Variants in CCDC85A observed in about 807,000 individuals in gnomAD.
The protein encoded by CCDC85A is coiled-coil domain containing 85A, also known as coiled-coil domain-containing protein 85A.
Under a neutral mutation model 50.2 loss-of-function variants are expected in CCDC85A, and 38 were observed. The observed-to-expected ratio is 0.76, with a 90% CI of 0.58 to 0.99. The LOEUF (loss-of-function observed/expected upper bound fraction) is 0.99. Among genes scored for constraint, CCDC85A ranks in the 50% least tolerant of loss-of-function variants. The probability of loss-of-function intolerance (pLI) is 0.00; values close to 1 mark genes in which losing one functional copy is unlikely to be tolerated. For missense variants in CCDC85A, 820 were observed against 742.0 expected, an observed-to-expected ratio of 1.11 and a Z score of -1.22; for synonymous variants, 366 against 301.4, an observed-to-expected ratio of 1.21 and a Z score of -2.22.
chr2:56,332,140 G>T (rs1673835976), intron 2 of CCDC85A, among the ~76,000 whole-genome samples: 1 of 152,186 alleles, frequency 6.6e-6, no homozygotes, highest in African/African-American at 2.4e-5. Context: ...GTAACCAAAA[G>T]AGAACCTTAT....
chr2:56,335,683 C>A (rs1674037330), intron 2 of CCDC85A, among the ~76,000 whole-genome samples: 1 of 151,524 alleles, frequency 6.6e-6, no homozygotes, highest in Non-Finnish European at 1.5e-5. Context: ...CCCACTGCAA[C>A]CACTGCCTCC....
intron 2 of CCDC85A, among the ~76,000 whole-genome samples, chr2:56,301,764 C>T (rs1672215256): frequency 6.6e-6 from 1 of 152,016 alleles, no homozygotes; most frequent in Admixed American, 6.6e-5. Flanking sequence ...ACAATGAGAA[C>T]ACATGGACAC....
At position 56,282,587 on chromosome 2, in the gene CCDC85A, G is replaced by A. The variant is rs183675982; in HGVS notation, c.1241-60292G>A. Among the ~76,000 whole-genome samples the A allele has an allele frequency of 1.5e-4, 23 of 152,284 alleles. No homozygotes were observed. The East Asian group carries it at 2.9e-3, about 19-fold the overall frequency. On this transcript the variant is annotated intron_variant, in intron 2 of 5. Transcript: ENST00000407595. The stretch of plus-strand genomic sequence containing the variant: ...TGCAATGGCGCGATCTCGGCTCACC[G>A]CAACCTCCGCCTCCCAGGCTCAAGC...
intron 2 of CCDC85A, among the ~76,000 whole-genome samples, chr2:56,236,160 C>A (rs993139427): frequency 6.6e-6 from 1 of 152,076 alleles, no homozygotes; most frequent in African/African-American, 2.4e-5. Context: ...AGCTTACTTC[C>A]AGTGTCATTG....
chr2:56,195,486 G>C (rs939550375), intron 2 of CCDC85A, among the ~76,000 whole-genome samples: 2 of 152,204 alleles, frequency 1.3e-5, no homozygotes, highest in Non-Finnish European at 2.9e-5. Context: ...TATCCTCAGA[G>C]TATATTTGCA....
Position 56,193,383 on chromosome 2 carries a change from C to A in CCDC85A, c.1183C>A (p.Arg395=). Residue 395 remains arginine (R), a synonymous_variant, in exon 2 of 6, where the codon CGG becomes AGG. Transcript: ENST00000407595. ...GGGSREGTLR[R]QAQEDGSPHH... The stretch of plus-strand genomic sequence containing the variant: ...AGGCAGCAGGGAGGGCACCCTCAGA[C>A]GGCAGGCACAGGAGGACGGGTCACC... The A allele has an allele frequency of 6.2e-7, 1 of 1,611,310 alleles. No individual in the cohort carries two copies. Among genetic ancestry groups the A allele is most frequent in the African/African-American group, 1.3e-5 (1 of 74,988 alleles).
chr2:56,258,529 G>C (rs1404937771), intron 2 of CCDC85A, among the ~76,000 whole-genome samples: 1 of 152,194 alleles, frequency 6.6e-6, no homozygotes, highest in Non-Finnish European at 1.5e-5. Context: ...GAGTCTACCA[G>C]ACTTGGCCTG....
At chr2:56,329,344 C>G (rs531993745) in intron 2 of CCDC85A, among the ~76,000 whole-genome samples, 1 of 152,086 alleles carries the variant, frequency 6.6e-6, no homozygotes, top group East Asian at 1.9e-4. Context: ...ATTTATGTAC[C>G]TGTTTTCCCT....
intron 2 of CCDC85A, among the ~76,000 whole-genome samples, chr2:56,250,252 G>A (rs762131870): frequency 6.6e-6 from 1 of 152,172 alleles, no homozygotes; most frequent in Non-Finnish European, 1.5e-5. Context: ...TTAAGTTGGA[G>A]TGCTTTTCCA....
chr2:56,258,957 G>A (rs896261284), intron 2 of CCDC85A, among the ~76,000 whole-genome samples: 1 of 152,170 alleles, frequency 6.6e-6, no homozygotes, highest in Non-Finnish European at 1.5e-5. Flanking sequence ...AGAAAGTTTA[G>A]GATAATTGCT....
At chr2:56,194,324 A>G (rs1366055268) in intron 2 of CCDC85A, among the ~76,000 whole-genome samples, 1 of 152,230 alleles carries the variant, frequency 6.6e-6, no homozygotes, top group Non-Finnish European at 1.5e-5. Flanking sequence ...ATCTGAAACC[A>G]CTTTGCACTT....
chr2:56,357,578 AGT>A (rs1675296530), intron 3 of CCDC85A, among the ~76,000 whole-genome samples: 1 of 149,734 alleles, frequency 6.7e-6, no homozygotes, highest in Admixed American at 6.7e-5. Context: ...CTGGGTTTTC[AGT>A]GTGTGTTCAG....
At position 56,372,342 on chromosome 2, in the gene CCDC85A, A is replaced by C; in HGVS notation, c.1318-2A>C. 1 of 1,568,456 alleles carries C rather than the reference A, an allele frequency of 6.4e-7. No individual in the cohort carries two copies. Among genetic ancestry groups the C allele is most frequent in the Non-Finnish European group, 8.6e-7 (1 of 1,156,364 alleles). On this transcript the variant is annotated splice_acceptor_variant, in intron 3 of 5. Transcript: ENST00000407595. LOFTEE classifies it high-confidence loss of function. The stretch of plus-strand genomic sequence containing the variant: ...ATTGTACCATATTGTTCCAAATATA[A>C]GGCCAGCCAGAATAGAAGGCAACCT...
intron 2 of CCDC85A, among the ~76,000 whole-genome samples, chr2:56,302,880 C>T (rs1672271846): frequency 6.6e-6 from 1 of 152,110 alleles, no homozygotes; most frequent in South Asian, 2.1e-4. Flanking sequence ...TTTTTCATCT[C>T]ATTTGATGTA....
intron 2 of CCDC85A, among the ~76,000 whole-genome samples, chr2:56,268,941 G>T (rs941232494): frequency 6.6e-6 from 1 of 152,074 alleles, no homozygotes. Context: ...TACATTTTTA[G>T]GATTGCTGTC....
chr2:56,198,102 T>C (rs1024358853), intron 2 of CCDC85A, among the ~76,000 whole-genome samples: 2 of 152,208 alleles, frequency 1.3e-5, no homozygotes, highest in African/African-American at 4.8e-5. Context: ...AAACGAAAAA[T>C]GTTGATAACA....
intron 2 of CCDC85A, among the ~76,000 whole-genome samples, chr2:56,273,780 G>A (rs534805574): frequency 6.6e-6 from 1 of 151,912 alleles, no homozygotes; most frequent in South Asian, 2.1e-4. Context: ...GGAAGTAGGA[G>A]GACATGGGGT....
chr2:56,372,568 A>G, intron 4 of CCDC85A, 90 bp downstream of exon 4: 1 of 1,332,796 alleles, frequency 7.5e-7, no homozygotes, highest in South Asian at 2.0e-5. Flanking sequence ...GGGGGGTAGA[A>G]AACAAGTTCA....
At chr2:56,321,800 T>A (rs1309643006) in intron 2 of CCDC85A, among the ~76,000 whole-genome samples, 1 of 152,038 alleles carries the variant, frequency 6.6e-6, no homozygotes, top group Non-Finnish European at 1.5e-5. Flanking sequence ...TACTTTAAAG[T>A]TCATATGGAA....
Sources: allele counts gnomAD v4.1 joint callset (sites outside exome capture counted in the v4.1 genomes callset), GRCh38; gene constraint gnomAD v4.1.1; transcripts MANE v1.5; gene names NCBI Gene and HGNC (gene_info 2026-07-23, HGNC 2026-07-21).